The following CYP39A1 variants were observed in gnomAD, a reference collection of about 807,000 sequenced individuals.
CYP39A1 encodes 24-hydroxycholesterol 7-alpha-hydroxylase.
CYP39A1 carries 49 observed loss-of-function variants against 58.1 expected under a neutral mutation model. The ratio of observed to expected loss-of-function variants is 0.84; its 90% CI spans 0.67 to 1.07. CYP39A1 has a LOEUF of 1.07. Among genes scored for constraint, CYP39A1 ranks in the 50% least tolerant of loss-of-function variants. The probability of loss-of-function intolerance (pLI) is 0.00; values close to 1 mark genes in which losing one functional copy is unlikely to be tolerated. For synonymous variants in CYP39A1, 209 were observed against 187.6 expected (o/e 1.11, Z -0.93); for missense variants, 531 against 539.4 (o/e 0.98, Z 0.16).
At chr6:46,644,316 T>C (rs1038895089) in intron 1 of CYP39A1, among the ~76,000 whole-genome samples, 1 of 152,220 alleles carries the variant, frequency 6.6e-6, no homozygotes, top group African/African-American at 2.4e-5. Flanking sequence ...TTCATTCCTT[T>C]ATATTTCTGA....
chr6:46,626,877 T>G (rs1322672651), intron 6 of CYP39A1, among the ~76,000 whole-genome samples: 1 of 152,146 alleles, frequency 6.6e-6, no homozygotes, highest in Non-Finnish European at 1.5e-5. Context: ...TCAGAGTTCA[T>G]GTTGGGGAAA....
At chr6:46,563,711 G>A (rs958864993) in intron 10 of CYP39A1, among the ~76,000 whole-genome samples, 2 of 152,150 alleles carry the variant, frequency 1.3e-5, no homozygotes, top group African/African-American at 4.8e-5. Flanking sequence ...CACCATGAGG[G>A]CAAAAGAACC....
At chr6:46,603,536 T>G (rs1773643006) in intron 7 of CYP39A1, among the ~76,000 whole-genome samples, 1 of 152,240 alleles carries the variant, frequency 6.6e-6, no homozygotes, top group South Asian at 2.1e-4. Context: ...CCACTGCCTG[T>G]TCTTCCTCCT....
Position 46,553,019 on chromosome 6 carries a change from C to T in CYP39A1, c.1338+748G>A, listed in dbSNP as rs151010981. ...GCTGAGATTGTGCCACTGAACTCAG[C>T]TCACAGTGTTTGGAGACTCTGTCTC... On this transcript the variant is annotated intron_variant, in intron 11 of 11. Transcript: ENST00000275016. Among the ~76,000 whole-genome samples the T allele has an allele frequency of 2.5e-3, 376 of 148,222 alleles. 4 individuals are homozygous for T. Among genetic ancestry groups the T allele is most frequent in the African/African-American group, 8.8e-3 (352 of 40,060 alleles).
At chr6:46,648,527 G>C (rs1417011479) in intron 1 of CYP39A1, among the ~76,000 whole-genome samples, 1 of 105,344 alleles carries the variant, frequency 9.5e-6, no homozygotes, top group Non-Finnish European at 1.9e-5. Flanking sequence ...TGGGGGGAGG[G>C]GGGAGGGGGG....
intron 10 of CYP39A1, among the ~76,000 whole-genome samples, chr6:46,556,007 T>C (rs1770647065): frequency 1.3e-5 from 2 of 152,228 alleles, no homozygotes; most frequent in Admixed American, 6.5e-5. Flanking sequence ...AAGTCAGCAA[T>C]GTTTCTAAGA....
At chr6:46,610,099 T>G (rs1269436010) in intron 7 of CYP39A1, among the ~76,000 whole-genome samples, 1 of 152,146 alleles carries the variant, frequency 6.6e-6, no homozygotes, top group Non-Finnish European at 1.5e-5. Flanking sequence ...TGTAGATCGT[T>G]TGGGAAATTT....
At chr6:46,594,298 G>A (rs1482535811) in intron 8 of CYP39A1, among the ~76,000 whole-genome samples, 1 of 151,942 alleles carries the variant, frequency 6.6e-6, no homozygotes, top group Non-Finnish European at 1.5e-5. Context: ...CATAATATAT[G>A]CTATCAAAAT....
intron 11 of CYP39A1, among the ~76,000 whole-genome samples, chr6:46,550,824 A>T (rs1020803189): frequency 3.3e-5 from 5 of 152,168 alleles, no homozygotes; most frequent in Admixed American, 2.6e-4. Flanking sequence ...CAGGTGTTTA[A>T]AGAATGATGT....
intron 10 of CYP39A1, among the ~76,000 whole-genome samples, chr6:46,559,939 T>C (rs1468300359): frequency 1.3e-5 from 2 of 152,156 alleles, no homozygotes; most frequent in Admixed American, 1.3e-4. Context: ...GTCACCCCAG[T>C]AAACAAAAAC....
Position 46,584,634 on chromosome 6 carries a change from G to C in CYP39A1, c.1250+2443C>G, listed in dbSNP as rs151225291. ...GAGCTGCATACAAACTCATACATCA[G>C]GTATTAAGGGGCCTTTTCAATTGGG... On this transcript the variant is annotated intron_variant, in intron 10 of 11. Transcript: ENST00000275016. 2.7e-3 allele frequency among the ~76,000 whole-genome samples: 418 copies of C among 152,218 alleles called. 2 individuals carry two copies. The highest frequency in any genetic ancestry group is 9.6e-3 in the African/African-American group (398 of 41,550).
At chr6:46,623,197 C>A (rs1775077958) in intron 7 of CYP39A1, among the ~76,000 whole-genome samples, 1 of 152,108 alleles carries the variant, frequency 6.6e-6, no homozygotes, top group African/African-American at 2.4e-5. Flanking sequence ...CGGGGGTGCC[C>A]AGATATTTGA....
chr6:46,570,460 T>C (rs913609902), intron 10 of CYP39A1, among the ~76,000 whole-genome samples: 1 of 152,156 alleles, frequency 6.6e-6, no homozygotes, highest in Non-Finnish European at 1.5e-5. Context: ...AATGTAGGTG[T>C]TTATCACTAT....
chr6:46,586,164 G>A, intron 10 of CYP39A1: 1 of 934,122 alleles, frequency 1.1e-6, no homozygotes, highest in Non-Finnish European at 1.3e-6. Flanking sequence ...CTAAACACAT[G>A]AAGAACGGAA....
chr6:46,552,921 G>A (rs921448309), intron 11 of CYP39A1, among the ~76,000 whole-genome samples: 12 of 151,824 alleles, frequency 7.9e-5, no homozygotes, highest in South Asian at 4.2e-4. Context: ...GGTGGTGTGC[G>A]CCTGCAGGCC....
chr6:46,613,170 T>A (rs1043446676), intron 7 of CYP39A1, among the ~76,000 whole-genome samples: 4 of 152,366 alleles, frequency 2.6e-5, no homozygotes, highest in Admixed American at 1.3e-4. Context: ...TGTTTGTATT[T>A]ATGAGAAGAG....
At chr6:46,630,446 A>T (rs1435979146) in intron 6 of CYP39A1, among the ~76,000 whole-genome samples, 1 of 152,154 alleles carries the variant, frequency 6.6e-6, no homozygotes, top group Non-Finnish European at 1.5e-5. Context: ...TACCCTTATT[A>T]GGTAAAATAG....
At chr6:46,624,199 C>T (rs1452607790) in intron 7 of CYP39A1, among the ~76,000 whole-genome samples, 1 of 152,106 alleles carries the variant, frequency 6.6e-6, no homozygotes, top group East Asian at 1.9e-4. Context: ...TCTTTTATTT[C>T]CTAAAGCCAC....
intron 10 of CYP39A1, among the ~76,000 whole-genome samples, chr6:46,584,994 T>C (rs1772381123): frequency 6.6e-6 from 1 of 152,154 alleles, no homozygotes; most frequent in South Asian, 2.1e-4. Context: ...GCCCCTATGG[T>C]AGCCAGAGCA....
Sources: gnomAD v4.1 joint callset for allele counts (sites outside exome capture counted in the v4.1 genomes callset) on GRCh38, gnomAD v4.1.1 for gene constraint, MANE v1.5 for transcripts, NCBI Gene and HGNC (gene_info 2026-07-23, HGNC 2026-07-21) for gene names.